MFSD6: variants seen among roughly 807,000 people sequenced by gnomAD.
MFSD6 encodes the protein major facilitator superfamily domain containing 6.
MFSD6 carries 26 observed loss-of-function variants against 56.3 expected under a neutral mutation model. The observed-to-expected ratio is 0.46, with a 90% CI of 0.34 to 0.64. MFSD6 has a LOEUF of 0.64. MFSD6 is among the 30% of genes least tolerant of loss of function. The pLI is 0.01. For missense variants in MFSD6, 750 were observed against 986.2 expected, an observed-to-expected ratio of 0.76 and a Z score of 3.21; for synonymous variants, 331 against 366.9, an observed-to-expected ratio of 0.90 and a Z score of 1.12.
In MFSD6 at chr2:190,487,586, G is replaced by A. The variant is rs1457120777; in HGVS notation, c.1631-1071G>A. Among the ~76,000 whole-genome samples, 3 of 152,138 alleles carry A rather than the reference G, an allele frequency of 2.0e-5. No homozygotes were observed. The highest frequency in any genetic ancestry group is 4.4e-5 in the Non-Finnish European group (3 of 68,006). On this transcript the variant is annotated intron_variant, in intron 4 of 7. Coordinates refer to ENST00000392328, the MANE Select transcript of MFSD6 (RefSeq NM_017694.4). The surrounding 1 kb of genome is among the most constrained non-coding windows in gnomAD (Gnocchi z 5.5). ...AAAAACCAACCCAATTAAAAAATGGGCAAAGGAATTGAATAAACATTTCTT... is the reference window on the plus strand; with the variant it reads ...AAAAACCAACCCAATTAAAAAATGGACAAAGGAATTGAATAAACATTTCTT...
At position 190,494,128 on chromosome 2, in the gene MFSD6, A is replaced by G. The variant is rs1014024866; in HGVS notation, c.1892-3311A>G. 6.6e-6 allele frequency among the ~76,000 whole-genome samples: 1 copy of G among 152,188 alleles called. No individual in the cohort carries two copies. Among genetic ancestry groups the G allele is most frequent in the Admixed American group, 6.5e-5 (1 of 15,280 alleles). ...CATTAACAAGATTAACCAAGAAAAG[A>G]AAAGAGAAAATCCAAATAAGCTTAA... is the stretch of plus-strand genomic sequence containing the variant. On this transcript the variant is annotated intron_variant, in intron 6 of 7. Transcript: ENST00000392328. The surrounding 1 kb of genome is among the most constrained non-coding windows in gnomAD (Gnocchi z 5.7).
Position 190,437,028 on chromosome 2 carries a change from G to T in MFSD6, c.999G>T (p.Leu333=). The T allele has an allele frequency of 6.2e-7, 1 of 1,614,218 alleles. No homozygotes were observed. The highest frequency in any genetic ancestry group is 8.5e-7 in the Non-Finnish European group (1 of 1,180,036). The change falls in exon 3 of 8, where the codon CTG becomes CTT. Residue 333 remains leucine, a synonymous_variant. Transcript: ENST00000392328. This position sits in a 1 kb window ranked among gnomAD's most constrained non-coding sequence, Gnocchi z 5.9. The part of the protein sequence containing the change: ...RYGLQRMWGS[L]GWGLAMLSVG... ...GGTTGCAGCGCATGTGGGGCTCCCT[G>T]GGCTGGGGCCTGGCGATGCTGTCTG...
intron 3 of MFSD6, among the ~76,000 whole-genome samples, chr2:190,464,587 G>A (rs1687499808): frequency 6.6e-6 from 1 of 152,122 alleles, no homozygotes; most frequent in African/African-American, 2.4e-5. Flanking sequence ...GTGAACCCTT[G>A]TTCGCTTTGT....
At position 190,478,017 on chromosome 2, in the gene MFSD6, C is replaced by T. The variant is rs566459538; in HGVS notation, c.1630+8162C>T. 8.5e-5 allele frequency among the ~76,000 whole-genome samples: 13 copies of T among 152,210 alleles called. No homozygotes were observed. In the East Asian group the frequency reaches 1.7e-3, roughly 20 times the overall value. ...TCTTCAGGGAGCATAAGTGGTGTGC[C>T]GGGGCTAGGGCTTGAAGCATTTATC... On this transcript the variant is annotated intron_variant, in intron 4 of 7. Coordinates refer to ENST00000392328, the MANE Select transcript of MFSD6 (RefSeq NM_017694.4).
chr2:190,486,802 G>T (rs1297912312), intron 4 of MFSD6, among the ~76,000 whole-genome samples: 1 of 152,216 alleles, frequency 6.6e-6, no homozygotes, highest in Non-Finnish European at 1.5e-5. Flanking sequence ...TTTCTCAGGG[G>T]ATGGAACCAG....
chr2:190,475,537 A>G (rs548625946), intron 4 of MFSD6, among the ~76,000 whole-genome samples: 96 of 152,350 alleles, frequency 6.3e-4, no homozygotes, highest in African/African-American at 2.1e-3. Flanking sequence ...GAGAACTACA[A>G]ACCACTGCTC....
In MFSD6 at chr2:190,431,689, C is replaced by A. The variant is rs553184558; in HGVS notation, c.-53-4288C>A. On this transcript the variant is annotated intron_variant, in intron 2 of 7. Coordinates refer to ENST00000392328, the MANE Select transcript of MFSD6 (RefSeq NM_017694.4). This position sits in a 1 kb window ranked among gnomAD's most constrained non-coding sequence, Gnocchi z 4.4. The stretch of plus-strand genomic sequence containing the variant: ...AGCTTCGGCTCAGCATCAGGGAGAC[C>A]GTGGAAAGAGAGGGAGAGGGAGACT... Among the ~76,000 whole-genome samples, 2 of 142,078 alleles carry A rather than the reference C, an allele frequency of 1.4e-5. 1 individual carries two copies. Among genetic ancestry groups the A allele is most frequent in the African/African-American group, 4.9e-5 (2 of 40,924 alleles). The allele number at this position is 142,078 out of a possible 152,430, so 93.2% of individuals were successfully genotyped here. A position where few individuals can be genotyped will look rare whatever the true frequency, so the allele number is the denominator to read the frequency against.
intron 4 of MFSD6, among the ~76,000 whole-genome samples, chr2:190,472,950 G>C (rs1179249354): frequency 2.0e-5 from 3 of 152,170 alleles, no homozygotes; most frequent in South Asian, 2.1e-4. Flanking sequence ...TTAAAGGAAA[G>C]AATTTTCAAC....
At chr2:190,450,488 C>CT (rs10665730) in intron 3 of MFSD6, among the ~76,000 whole-genome samples, 18,317 of 96,538 alleles carry the variant, frequency 0.19, 2,737 homozygotes, top group Middle Eastern at 0.25. Flanking sequence ...TCTCTTTTTC[C>CT]TTTTTTTTTT....
In MFSD6 at chr2:190,436,823, C is replaced by T. The variant is rs142126092; in HGVS notation, c.794C>T (p.Thr265Ile). 59 of 1,614,082 alleles carry T rather than the reference C, an allele frequency of 3.7e-5. No homozygotes were observed. In the African/African-American group the frequency reaches 7.2e-4, roughly 20 times the overall value. The part of the protein sequence containing the change: ...VTKETTTVIV[T>I]TTKSLPSDQV... ...AAGGAGACAACCACTGTTATTGTTA[C>T]CACCACCAAATCTTTACCTTCTGAC... Residue 265 changes from threonine to isoleucine, a missense_variant, in exon 3 of 8, where the codon ACC becomes ATC. Coordinates refer to ENST00000392328, the MANE Select transcript of MFSD6 (RefSeq NM_017694.4). The surrounding 1 kb of genome is among the most constrained non-coding windows in gnomAD (Gnocchi z 5.3).
chr2:190,500,473 T>C lies in MFSD6; in HGVS notation c.*255T>C. 2.0e-6 allele frequency: 1 copy of C among 495,826 alleles called. No individual in the cohort carries two copies. The allele number at this position is 495,826 out of a possible 1,614,324, so 30.7% of individuals were successfully genotyped here. A position where few individuals can be genotyped will look rare whatever the true frequency, so the allele number is the denominator to read the frequency against. ...TCAATGAGGACTTTCAGTTCTTTGC[T>C]TGGTTAGGTTAAGGATGATAGAATT... On this transcript the variant is annotated 3_prime_UTR_variant, in exon 8 of 8. Coordinates refer to ENST00000392328, the MANE Select transcript of MFSD6 (RefSeq NM_017694.4). The surrounding 1 kb of genome is among the most constrained non-coding windows in gnomAD (Gnocchi z 5.3).
In MFSD6 at chr2:190,450,488, C is replaced by CTTTTTTTT. The variant is rs10665730; in HGVS notation, c.1532+12941_1532+12948dup. 2.9e-4 allele frequency among the ~76,000 whole-genome samples: 28 copies of CTTTTTTTT among 97,260 alleles called. 1 individual carries two copies. Among genetic ancestry groups the CTTTTTTTT allele is most frequent in the South Asian group, 7.9e-4 (2 of 2,544 alleles). The allele number at this position is 97,260 out of a possible 152,430, so 63.8% of individuals were successfully genotyped here. On this transcript the variant is annotated intron_variant, in intron 3 of 7. Transcript: ENST00000392328. ...CTAACTTTTTCTTTTTCTCTTTTTC[C>CTTTTTTTT]TTTTTTTTTTTTTTTTTTTTTGAGA...
chr2:190,449,579 G>C (rs553504192), intron 3 of MFSD6, among the ~76,000 whole-genome samples: 2 of 152,046 alleles, frequency 1.3e-5, no homozygotes, highest in African/African-American at 4.8e-5. Flanking sequence ...TGTTTATTGC[G>C]GCACTATTCA....
chr2:190,497,972 GAAAT>G lies in MFSD6; in HGVS notation c.2172+257_2172+260del, dbSNP rs1689800894. On this transcript the variant is annotated intron_variant, in intron 7 of 7. Coordinates refer to ENST00000392328, the MANE Select transcript of MFSD6 (RefSeq NM_017694.4). This position sits in a 1 kb window ranked among gnomAD's most constrained non-coding sequence, Gnocchi z 5.2. The stretch of plus-strand genomic sequence containing the variant: ...GTTATGATTCTTTCACTTCTTGAAA[GAAAT>G]AAAATAAATTAATCCATTCTTTCAT... The G allele has an allele frequency of 6.1e-6, 2 of 330,200 alleles. No homozygotes were observed. Among genetic ancestry groups the G allele is most frequent in the Admixed American group, 4.4e-5 (1 of 22,922 alleles). The allele number at this position is 330,200 out of a possible 1,614,324, so 20.5% of individuals were successfully genotyped here.
intron 3 of MFSD6, among the ~76,000 whole-genome samples, chr2:190,452,190 C>T (rs1175622006): frequency 2.0e-5 from 3 of 151,774 alleles, no homozygotes; most frequent in Non-Finnish European, 2.9e-5. Flanking sequence ...GGGAAGTGGA[C>T]GTTGCAGTGA....
In MFSD6 at chr2:190,459,112, A is replaced by C. The variant is rs567932601; in HGVS notation, c.1533-10646A>C. On this transcript the variant is annotated intron_variant, in intron 3 of 7. Transcript: ENST00000392328. This position sits in a 1 kb window ranked among gnomAD's most constrained non-coding sequence, Gnocchi z 5.3. The stretch of plus-strand genomic sequence containing the variant: ...CAACTCCCTAGGGGTTTCTCCCAGA[A>C]CATCCTATCCAAGACTCCTTTTTTC... Among the ~76,000 whole-genome samples, 3 of 152,278 alleles carry C rather than the reference A, an allele frequency of 2.0e-5. No individual in the cohort carries two copies. The South Asian group carries it at 6.2e-4, about 32-fold the overall frequency.
chr2:190,483,512 T>C (rs1688820549), intron 4 of MFSD6, among the ~76,000 whole-genome samples: 1 of 152,158 alleles, frequency 6.6e-6, no homozygotes, highest in African/African-American at 2.4e-5. Context: ...CTTAGCACAA[T>C]TCCTTGTAGA....
In MFSD6 at chr2:190,497,107, G is replaced by A. The variant is rs115412560; in HGVS notation, c.1892-332G>A. Reference sequence around the variant, plus strand: ...ATCACGTGGCTTTTCCTGTTTTGACGTCTTTTTAATCATAATCCTGTAAAT... The same window carrying A: ...ATCACGTGGCTTTTCCTGTTTTGACATCTTTTTAATCATAATCCTGTAAAT... On this transcript the variant is annotated intron_variant, in intron 6 of 7. Transcript: ENST00000392328. The surrounding 1 kb of genome is among the most constrained non-coding windows in gnomAD (Gnocchi z 5.2). Among the ~76,000 whole-genome samples, 1,716 of 152,134 alleles carry A rather than the reference G, an allele frequency of 0.011. 38 individuals are homozygous for A. Among genetic ancestry groups the A allele is most frequent in the African/African-American group, 0.038 (1,574 of 41,502 alleles).
intron 3 of MFSD6, chr2:190,442,982 T>C (rs1004175011): frequency 2.6e-5 from 4 of 152,242 alleles, no homozygotes. Flanking sequence ...TATTGAAATG[T>C]TGGTCTGTGC....
Sources: gnomAD v4.1 joint callset for allele counts (sites outside exome capture counted in the v4.1 genomes callset) on GRCh38, gnomAD v4.1.1 for gene constraint, Gnocchi (gnomAD v3.1) non-coding constraint, MANE v1.5 for transcripts, NCBI Gene and HGNC (gene_info 2026-07-23, HGNC 2026-07-21) for gene names.